Variants in MKLN1 observed in about 807,000 individuals in gnomAD.
The protein encoded by MKLN1 is muskelin 1, also known as muskelin.
A neutral mutation model predicts 99.0 loss-of-function variants in MKLN1; 18 were observed. The ratio of observed to expected loss-of-function variants is 0.18; its 90% CI spans 0.13 to 0.27. MKLN1 has a LOEUF of 0.27. Ranked by LOEUF, MKLN1 falls within the 10% of genes least tolerant of loss-of-function variation. The probability of loss-of-function intolerance (pLI) is 1.00; values close to 1 mark genes in which losing one functional copy is unlikely to be tolerated. For missense variants in MKLN1, 621 were observed against 875.9 expected (o/e 0.71, Z 3.67); for synonymous variants, 288 against 293.2 (o/e 0.98, Z 0.18).
intron 8 of MKLN1, among the ~76,000 whole-genome samples, chr7:131,415,907 CT>C (rs1795003871): frequency 6.6e-6 from 1 of 151,974 alleles, no homozygotes; most frequent in Non-Finnish European, 1.5e-5. Flanking sequence ...TAATGCTTTT[CT>C]TTTTTCTCCA....
intron 2 of MKLN1, among the ~76,000 whole-genome samples, chr7:131,196,420 C>T (rs997914075): frequency 6.6e-6 from 1 of 152,014 alleles, no homozygotes; most frequent in African/African-American, 2.4e-5. Flanking sequence ...CTGTCACTCG[C>T]AAAGGAAAAA....
chr7:131,220,792 C>T (rs1347069929), intron 3 of MKLN1, among the ~76,000 whole-genome samples: 1 of 151,998 alleles, frequency 6.6e-6, no homozygotes, highest in Non-Finnish European at 1.5e-5. Context: ...TCAGATATCC[C>T]GTCTGGAGGA....
intron 3 of MKLN1, among the ~76,000 whole-genome samples, chr7:131,294,157 C>T (rs1798258680): frequency 6.6e-6 from 1 of 152,080 alleles, no homozygotes; most frequent in Non-Finnish European, 1.5e-5. Flanking sequence ...ACATTTGGTA[C>T]GAATGAAGAA....
In MKLN1 at chr7:131,229,696, C is replaced by T. The variant is rs552955348; in HGVS notation, c.-179+26722C>T. Among the ~76,000 whole-genome samples the T allele has an allele frequency of 2.6e-5, 4 of 152,286 alleles. No individual in the cohort carries two copies. The East Asian group carries it at 7.7e-4, about 29-fold the overall frequency. The stretch of plus-strand genomic sequence containing the variant: ...TCCGCATCCTGAGGAGCTGGGACCA[C>T]AAGCCCACGCCTCCACAGGCTGCTG... On this transcript the variant is annotated intron_variant, in intron 3 of 7. Transcript: ENST00000416992.
chr7:131,254,172 G>A (rs1797623385), intron 3 of MKLN1, among the ~76,000 whole-genome samples: 1 of 152,136 alleles, frequency 6.6e-6, no homozygotes, highest in African/African-American at 2.4e-5. Flanking sequence ...CCATCCCGAG[G>A]GGGCTGTGCA....
At chr7:131,361,167 A>G (rs537239057) in intron 1 of MKLN1, among the ~76,000 whole-genome samples, 1 of 151,792 alleles carries the variant, frequency 6.6e-6, no homozygotes, top group African/African-American at 2.4e-5. Flanking sequence ...TTCTCTGGTC[A>G]GTGGTTTGGT....
At chr7:131,474,873 G>T (rs114940229) in intron 16 of MKLN1, among the ~76,000 whole-genome samples, 190 of 152,218 alleles carry the variant, frequency 1.2e-3, no homozygotes, top group African/African-American at 4.2e-3. Context: ...AGCATGACTG[G>T]GAGTCCTCAG....
chr7:131,262,471 C>T (rs548274243), intron 3 of MKLN1, among the ~76,000 whole-genome samples: 2 of 152,068 alleles, frequency 1.3e-5, no homozygotes, highest in Non-Finnish European at 1.5e-5. Context: ...CCCACTACCC[C>T]CTCCTCCAAA....
At chr7:131,379,549 TGAAATA>T (rs1238965467) in intron 2 of MKLN1, among the ~76,000 whole-genome samples, 1 of 152,098 alleles carries the variant, frequency 6.6e-6, no homozygotes, top group Admixed American at 6.6e-5. Context: ...ATAGAAAAGA[TGAAATA>T]GAAGTCAAAT....
At chr7:131,463,084 A>T in intron 12 of MKLN1, 133 bp from the exon 13 acceptor site, 1 of 708,820 alleles carries the variant, frequency 1.4e-6, no homozygotes, top group Non-Finnish European at 2.3e-6. Context: ...GTTGTGCCTC[A>T]CTGCACTTCA....
At chr7:131,322,935 G>A (rs1007164668), upstream of MKLN1, among the ~76,000 whole-genome samples, 1 of 152,088 alleles carries the variant, frequency 6.6e-6, no homozygotes. Flanking sequence ...AAACAGCATG[G>A]GGGAAACTGC....
rs1224288307 is a variant in MKLN1, at chr7:131,449,546, A to T, written c.1525+3643A>T. On this transcript the variant is annotated intron_variant, in intron 12 of 17. Transcript: ENST00000352689. The stretch of plus-strand genomic sequence containing the variant: ...TGAGCATCTGGTTAGAATTACTTGG[A>T]AAAATTTCCCACCTAAAACTGTTGC... Among the ~76,000 whole-genome samples the T allele has an allele frequency of 5.3e-5, 8 of 152,192 alleles. No individual in the cohort carries two copies. The East Asian group carries it at 1.5e-3, about 29-fold the overall frequency.
At chr7:131,237,055 A>AT (rs1797333273) in intron 3 of MKLN1, among the ~76,000 whole-genome samples, 1 of 152,084 alleles carries the variant, frequency 6.6e-6, no homozygotes, top group Middle Eastern at 3.4e-3. Flanking sequence ...GCTCTCACTG[A>AT]TTTTTTGTTT....
At chr7:131,171,264 C>G (rs1322391828) in intron 2 of MKLN1, among the ~76,000 whole-genome samples, 1 of 151,922 alleles carries the variant, frequency 6.6e-6, no homozygotes, top group Non-Finnish European at 1.5e-5. Flanking sequence ...ATACTGTAAC[C>G]CCACTTACCT....
At position 131,355,628 on chromosome 7, in the gene MKLN1, C is replaced by CTATATATATATATATATATATA. The variant is rs58377694; in HGVS notation, c.99-19775_99-19774insATATATATATATATATATATAT. Reference sequence around the variant, plus strand: ...AGGCTCTGATTTCTTTAACTTGATACTATATATATATATATATATATGCTT... The same window carrying CTATATATATATATATATATATA: ...AGGCTCTGATTTCTTTAACTTGATACTATATATATATATATATATATATATATATATATATATATATATGCTT... On this transcript the variant is annotated intron_variant, in intron 1 of 17. Coordinates refer to ENST00000352689, the MANE Select transcript of MKLN1 (RefSeq NM_013255.5). Among the ~76,000 whole-genome samples the CTATATATATATATATATATATA allele has an allele frequency of 8.7e-3, 1,179 of 136,234 alleles. 1 individual carries two copies. Among genetic ancestry groups the CTATATATATATATATATATATA allele is most frequent in the African/African-American group, 0.018 (625 of 34,572 alleles). The allele number at this position is 136,234 out of a possible 152,430, so 89.4% of individuals were successfully genotyped here. A position where few individuals can be genotyped will look rare whatever the true frequency, so the allele number is the denominator to read the frequency against.
intron 9 of MKLN1, among the ~76,000 whole-genome samples, 187 bp from the exon 10 acceptor site, chr7:131,437,598 T>A (rs922051558): frequency 6.6e-6 from 1 of 152,224 alleles, no homozygotes; most frequent in Non-Finnish European, 1.5e-5. Flanking sequence ...TACTGCTTAC[T>A]GCTTTTGCTT....
At chr7:131,405,011 A>G (rs1484354139) in intron 6 of MKLN1, among the ~76,000 whole-genome samples, 1 of 152,194 alleles carries the variant, frequency 6.6e-6, no homozygotes, top group Non-Finnish European at 1.5e-5. Flanking sequence ...TTTTTTACCT[A>G]TCAGTTTAAT....
intron 3 of MKLN1, among the ~76,000 whole-genome samples, chr7:131,226,266 T>C (rs1310450105): frequency 6.6e-6 from 1 of 152,188 alleles, no homozygotes; most frequent in Non-Finnish European, 1.5e-5. Context: ...TTTAAATAGA[T>C]GGGTTTCAGC....
intron 1 of MKLN1, among the ~76,000 whole-genome samples, chr7:131,372,763 A>G (rs1056168929): frequency 6.6e-6 from 1 of 150,606 alleles, no homozygotes; most frequent in African/African-American, 2.4e-5. Flanking sequence ...AAGAAGTGAA[A>G]GAATTCTGAG....
Sources: gnomAD v4.1 joint callset for allele counts (sites outside exome capture counted in the v4.1 genomes callset) on GRCh38, gnomAD v4.1.1 for gene constraint, MANE v1.5 for transcripts, NCBI Gene and HGNC (gene_info 2026-07-23, HGNC 2026-07-21) for gene names.